The following DMXL1 variants were observed in gnomAD, a reference collection of about 807,000 sequenced individuals.
The protein encoded by DMXL1 is dmX-like protein 1.
Under a neutral mutation model 319.2 loss-of-function variants are expected in DMXL1, and 99 were observed. The observed-to-expected ratio is 0.31, with a 90% CI of 0.26 to 0.37. The LOEUF (loss-of-function observed/expected upper bound fraction) is 0.37, where lower values mean the gene tolerates loss of function less well. DMXL1 is among the 10% of genes least tolerant of loss of function. DMXL1 has a pLI of 1.00. For missense variants in DMXL1, 3,745 were observed against 3,595.6 expected, an observed-to-expected ratio of 1.04 and a Z score of -1.06; for synonymous variants, 1,385 against 1,235.2, an observed-to-expected ratio of 1.12 and a Z score of -2.54.
rs1271375289 is a variant in DMXL1 at position 119,244,359 on chromosome 5, C to T, written c.8705C>T (p.Ala2902Val). The change falls in exon 43 of 44, where the codon GCA becomes GTA. Residue 2902 changes from alanine to valine, a missense_variant and splice_region_variant. Around this residue, in one of 4 missense-constraint regions of DMXL1, gnomAD observed 262 missense variants for 320.5 expected, o/e 0.82. Coordinates refer to ENST00000539542, the MANE Select transcript of DMXL1 (RefSeq NM_001290321.3). ...TGTTTTTTTTTTAATTTACTTTCAG[C>T]ATTTACCTGCCATGACAGTGGAGCC... Reference protein sequence around the residue: ...LVAPANSLVHAFTCHDSGATV... With the variant: ...LVAPANSLVHVFTCHDSGATV... 6.2e-7 allele frequency: 1 copy of T among 1,605,610 alleles called. No individual in the cohort carries two copies. Among genetic ancestry groups the T allele is most frequent in the Non-Finnish European group, 8.5e-7 (1 of 1,176,066 alleles).
chr5:119,079,405 A>C (rs1439124325), intron 1 of DMXL1, among the ~76,000 whole-genome samples: 2 of 152,190 alleles, frequency 1.3e-5, no homozygotes, highest in East Asian at 3.8e-4. Context: ...TCAGCCCTAA[A>C]GTTATCTCTA....
rs746063990 is a variant in DMXL1 at position 119,133,874 on chromosome 5, A to C, written c.1950A>C (p.Pro650=). The change falls in exon 12 of 44, where the codon CCA becomes CCC. Residue 650 remains proline (P), a synonymous_variant. Coordinates refer to ENST00000539542, the MANE Select transcript of DMXL1 (RefSeq NM_001290321.3). ...LNDLACHSVL[P]LLLTTSHHNA... Reference sequence around the variant, plus strand: ...ATTTAGCTTGCCACTCAGTATTACCATTATTGCTGACAACATCACACCATA... The same window carrying C: ...ATTTAGCTTGCCACTCAGTATTACCCTTATTGCTGACAACATCACACCATA... 3 of 1,614,028 alleles carry C rather than the reference A, an allele frequency of 1.9e-6. No homozygotes were observed. In the African/African-American group the frequency reaches 4.0e-5, roughly 22 times the overall value.
In DMXL1 at chr5:119,149,165, A is replaced by T. The variant is rs765547150; in HGVS notation, c.3338A>T (p.Asp1113Val). ...STVLDSGISVDSNLVAYNKQD... is the reference protein window; with the variant it reads ...STVLDSGISVVSNLVAYNKQD... ...GTATTGGATTCTGGCATTAGTGTTGATAGCAATTTAGTGGCCTATAATAAA... is the reference window on the plus strand; with the variant it reads ...GTATTGGATTCTGGCATTAGTGTTGTTAGCAATTTAGTGGCCTATAATAAA... The change falls in exon 18 of 44, where the codon GAT (aspartate) becomes GTT (valine). Residue 1113 changes from aspartate to valine, a missense_variant. By Grantham distance (152) the Asp-to-Val change is radical. Around this residue, in one of 4 missense-constraint regions of DMXL1, gnomAD observed 2,096 missense variants for 1,985.4 expected, o/e 1.06. Coordinates refer to ENST00000539542, the MANE Select transcript of DMXL1 (RefSeq NM_001290321.3). The T allele has an allele frequency of 1.2e-6, 2 of 1,613,860 alleles. No homozygotes were observed. The highest frequency in any genetic ancestry group is 1.7e-6 in the Non-Finnish European group (2 of 1,179,838).
At chr5:119,220,850 G>T (rs1253513757) in intron 36 of DMXL1, 90 bp from the exon 37 acceptor site, 4 of 1,450,262 alleles carry the variant, frequency 2.8e-6, no homozygotes, top group South Asian at 2.7e-5. Context: ...TAATTTTAAA[G>T]GGAACTATAA....
intron 1 of DMXL1, among the ~76,000 whole-genome samples, chr5:119,093,371 A>G (rs1464181886): frequency 1.3e-5 from 2 of 151,982 alleles, no homozygotes; most frequent in Non-Finnish European, 2.9e-5. Flanking sequence ...CCTGACCTCA[A>G]GTGATCTGCC....
intron 40 of DMXL1, 77 bp from the exon 41 acceptor site, chr5:119,238,912 C>CTTT (rs756004379): frequency 1.1e-4 from 174 of 1,565,766 alleles, no homozygotes; most frequent in Non-Finnish European, 1.4e-4. Flanking sequence ...TACATGATCA[C>CTTT]TTTTCGAAGA....
At position 119,124,653 on chromosome 5, in the gene DMXL1, C is replaced by A. The variant is rs373839943; in HGVS notation, c.1102+3514C>A. On this transcript the variant is annotated intron_variant, in intron 9 of 43. Transcript: ENST00000539542. ...TAATCAAGGCTCACTGCAACCTCTG[C>A]CTCTCGGGTTCAAGTGATTCTTCTG... Among the ~76,000 whole-genome samples the A allele has an allele frequency of 4.0e-5, 6 of 149,884 alleles. No individual in the cohort carries two copies. In the East Asian group the frequency reaches 5.9e-4, roughly 15 times the overall value.
chr5:119,114,381 T>C (rs529281706), intron 5 of DMXL1, 94 bp from the exon 6 acceptor site: 1 of 882,580 alleles, frequency 1.1e-6, no homozygotes, highest in African/African-American at 1.7e-5. Context: ...ATTTTCTGTC[T>C]TTTGAACCAA....
At chr5:119,171,727 G>T (rs779479887) in intron 24 of DMXL1, 51 bp from the exon 25 acceptor site, 86 of 1,453,812 alleles carry the variant, frequency 5.9e-5, no homozygotes, top group Non-Finnish European at 7.7e-5. Context: ...TGAAGTAATG[G>T]TTTGTAACTG....
chr5:119,232,513 T>C (rs1464054065), intron 38 of DMXL1, among the ~76,000 whole-genome samples: 4 of 152,176 alleles, frequency 2.6e-5, no homozygotes, highest in Admixed American at 2.6e-4. Flanking sequence ...GGGTGCCTTA[T>C]ATATGTGATC....
Position 119,144,557 on chromosome 5 carries a change from C to T in DMXL1, c.2488C>T (p.Leu830Phe). The stretch of plus-strand genomic sequence containing the variant: ...TCAGCATGGCAGAAAAACCCAACTG[C>T]TTCATGTTTTTGAAGAAGACTTCAT... The part of the protein sequence containing the change: ...TKLHGRKTQL[L>F]HVFEEDFILN... Residue 830 changes from leucine (L) to phenylalanine (F), a missense_variant, in exon 15 of 44, where the codon CTT becomes TTT. Coordinates refer to ENST00000539542, the MANE Select transcript of DMXL1 (RefSeq NM_001290321.3). 2 of 1,602,408 alleles carry T rather than the reference C, an allele frequency of 1.2e-6. No individual in the cohort carries two copies. Among genetic ancestry groups the T allele is most frequent in the Non-Finnish European group, 1.7e-6 (2 of 1,176,188 alleles).
intron 19 of DMXL1, among the ~76,000 whole-genome samples, chr5:119,152,872 C>T (rs934908469): frequency 2.0e-5 from 3 of 152,130 alleles, no homozygotes; most frequent in African/African-American, 7.2e-5. Flanking sequence ...TTGCTCGTAC[C>T]TTATGTCTCT....
chr5:119,196,240 AT>A, intron 30 of DMXL1, 130 bp from the exon 31 acceptor site: 1 of 692,080 alleles, frequency 1.4e-6, no homozygotes, highest in Non-Finnish European at 2.6e-6. Context: ...CTATGCATAT[AT>A]TATTTTGTTT....
intron 30 of DMXL1, among the ~76,000 whole-genome samples, chr5:119,195,826 A>T (rs916007706): frequency 6.6e-6 from 1 of 152,234 alleles, no homozygotes; most frequent in Non-Finnish European, 1.5e-5. Context: ...ACTTTTTTAA[A>T]AATCAAACTA....
At chr5:119,091,833 CT>C (rs969425663) in intron 1 of DMXL1, among the ~76,000 whole-genome samples, 2 of 152,190 alleles carry the variant, frequency 1.3e-5, no homozygotes, top group African/African-American at 4.8e-5. Flanking sequence ...TGAACAGCCT[CT>C]CTCATGTGGC....
chr5:119,147,784 T>G (rs143419568), intron 17 of DMXL1, among the ~76,000 whole-genome samples: 1 of 152,304 alleles, frequency 6.6e-6, no homozygotes, highest in East Asian at 1.9e-4. Flanking sequence ...TTGATGGTAT[T>G]GGCAATAGCT....
At position 119,149,836 on chromosome 5, in the gene DMXL1, G is replaced by C; in HGVS notation, c.4009G>C (p.Gly1337Arg). ...GCAGCTTTTGGAACTCATGGATCTT[G>C]GTAAAGTTCGGAGAGCCAAGGCCAT... ...PLQLLELMDL[G>R]KVRRAKAILS... Residue 1337 changes from glycine (G) to arginine (R), a missense_variant, in exon 18 of 44, where the codon GGT (glycine) becomes CGT (arginine). By Grantham distance (125) the Gly-to-Arg change is moderately radical (BLOSUM62 -2). Around this residue, in one of 4 missense-constraint regions of DMXL1, gnomAD observed 2,096 missense variants for 1,985.4 expected, o/e 1.06. Transcript: ENST00000539542. 1 of 1,613,832 alleles carries C rather than the reference G, an allele frequency of 6.2e-7. No individual in the cohort carries two copies.
At chr5:119,128,077 C>T in intron 9 of DMXL1, 1 of 459,794 alleles carries the variant, frequency 2.2e-6, no homozygotes, top group Non-Finnish European at 4.3e-6. Flanking sequence ...CAGTAACCAA[C>T]AATTACTATT....
Position 119,248,756 on chromosome 5 carries a change from G to A in DMXL1, c.*1537G>A, listed in dbSNP as rs1790137213. ...CAATTTTAAATGTGTTGAGCAAGTT[G>A]CAGTGCAAACACTGTCATTATGTAG... On this transcript the variant is annotated 3_prime_UTR_variant, in exon 44 of 44. Transcript: ENST00000539542. The A allele has an allele frequency of 6.6e-6, 1 of 152,446 alleles. No homozygotes were observed. Among genetic ancestry groups the A allele is most frequent in the South Asian group, 2.1e-4 (1 of 4,830 alleles). The allele number at this position is 152,446 out of a possible 1,614,324, so 9.4% of individuals were successfully genotyped here.
Sources: gnomAD v4.1 joint callset for allele counts (sites outside exome capture counted in the v4.1 genomes callset) on GRCh38, gnomAD v4.1.1 for gene constraint, gnomAD v4.1.1 regional missense constraint, MANE v1.5 for transcripts, NCBI Gene and HGNC (gene_info 2026-07-23, HGNC 2026-07-21) for gene names.